NOL4L: variants seen among roughly 807,000 people sequenced by gnomAD.
NOL4L encodes the protein nucleolar protein 4 like.
NOL4L carries 7 observed loss-of-function variants against 64.5 expected under a neutral mutation model. That is an observed-to-expected ratio of 0.11 (90% confidence interval 0.06 to 0.20). The LOEUF is 0.20. Among genes scored for constraint, NOL4L ranks in the 10% least tolerant of loss-of-function variants. The probability of loss-of-function intolerance (pLI) is 1.00; values close to 1 mark genes in which losing one functional copy is unlikely to be tolerated. For missense variants in NOL4L, 680 were observed against 967.1 expected (o/e 0.70, Z 3.94); for synonymous variants, 413 against 401.0 (o/e 1.03, Z -0.36).
chr20:32,481,270 G>A (rs1322160572), intron 4 of NOL4L, among the ~76,000 whole-genome samples: 1 of 152,170 alleles, frequency 6.6e-6, no homozygotes, highest in Non-Finnish European at 1.5e-5. Flanking sequence ...CGAGGGCCTC[G>A]CTGGTACCCT....
chr20:32,498,083 C>A (rs528745584), intron 4 of NOL4L, among the ~76,000 whole-genome samples: 130 of 152,340 alleles, frequency 8.5e-4, no homozygotes, highest in African/African-American at 3.1e-3. Flanking sequence ...CCGGAAGGGG[C>A]TCGAGCCTCA....
At chr20:32,558,451 G>T (rs1001797508) in intron 1 of NOL4L, among the ~76,000 whole-genome samples, 1 of 152,154 alleles carries the variant, frequency 6.6e-6, no homozygotes, top group Non-Finnish European at 1.5e-5. Flanking sequence ...AAAGTCCAAG[G>T]GGCCCCAGCA....
intron 1 of NOL4L, among the ~76,000 whole-genome samples, chr20:32,557,824 G>A (rs1236234653): frequency 6.6e-6 from 1 of 152,220 alleles, no homozygotes; most frequent in Non-Finnish European, 1.5e-5. Context: ...CAGCACTTTG[G>A]GAAGCTGAGG....
chr20:32,461,181 A>G (rs1377791086), intron 5 of NOL4L, among the ~76,000 whole-genome samples: 4 of 152,162 alleles, frequency 2.6e-5, no homozygotes, highest in Non-Finnish European at 4.4e-5. Context: ...GTTTACTCCA[A>G]CTGGAAGCCA....
chr20:32,548,713 C>A, intron 1 of NOL4L: 1 of 354,742 alleles, frequency 2.8e-6, no homozygotes, highest in Non-Finnish European at 5.7e-6. Flanking sequence ...TGCCCTCAGA[C>A]GCAGCAATTC....
At chr20:32,583,591 A>C (rs1352895494) in intron 1 of NOL4L, among the ~76,000 whole-genome samples, 1 of 148,420 alleles carries the variant, frequency 6.7e-6, no homozygotes, top group East Asian at 2.1e-4. Flanking sequence ...GAACGCACTA[A>C]TGGAGGGTCT....
intron 5 of NOL4L, among the ~76,000 whole-genome samples, chr20:32,461,203 T>C (rs891698508): frequency 6.6e-6 from 1 of 152,168 alleles, no homozygotes; most frequent in Non-Finnish European, 1.5e-5. Flanking sequence ...GTCCCTCCTT[T>C]GGGCCCACCA....
intron 2 of NOL4L, 27 bp downstream of exon 2, chr20:32,527,731 G>C (rs2018187132): frequency 6.5e-6 from 10 of 1,534,614 alleles, no homozygotes; most frequent in Non-Finnish European, 8.8e-6. Flanking sequence ...GGGGCTGCCA[G>C]TGGAGGCAAA....
At chr20:32,494,988 T>C in intron 4 of NOL4L, among the ~76,000 whole-genome samples, 1 of 150,408 alleles carries the variant, frequency 6.6e-6, no homozygotes, top group East Asian at 1.9e-4. Context: ...GATCCCCCAC[T>C]CCCATGTGGC....
At chr20:32,527,185 T>C (rs2018163829) in intron 2 of NOL4L, among the ~76,000 whole-genome samples, 1 of 152,186 alleles carries the variant, frequency 6.6e-6, no homozygotes. Flanking sequence ...TGGAGACATT[T>C]CTGCTTCTCA....
Position 32,506,008 on chromosome 20 carries a change from A to G in NOL4L, c.699+5339T>C, listed in dbSNP as rs551369013. Among the ~76,000 whole-genome samples the G allele has an allele frequency of 5.6e-4, 86 of 152,326 alleles. 1 individual carries two copies. Among genetic ancestry groups the G allele is most frequent in the African/African-American group, 1.9e-3 (81 of 41,550 alleles). ...TTGTGAATATACTCAATGCCACTCA[A>G]TTATATACTTAAACGTGGTTAAAAT... On this transcript the variant is annotated intron_variant, in intron 4 of 10. Coordinates refer to ENST00000621426, the MANE Select transcript of NOL4L (RefSeq NM_001256798.2).
chr20:32,455,559 C>G (rs1436673009), intron 6 of NOL4L, among the ~76,000 whole-genome samples: 1 of 152,164 alleles, frequency 6.6e-6, no homozygotes, highest in African/African-American at 2.4e-5. Flanking sequence ...GGCCCGGAGG[C>G]AGCTTGTGGA....
chr20:32,443,346 T>C lies in NOL4L; in HGVS notation c.*4250A>G, dbSNP rs1179152558. 6.6e-6 allele frequency: 1 copy of C among 152,220 alleles called. No homozygotes were observed. The highest frequency in any genetic ancestry group is 1.5e-5 in the Non-Finnish European group (1 of 68,040). 9.4% of individuals were successfully genotyped at this position (152,220 alleles called of 1,614,324 possible). A position where few individuals can be genotyped will look rare whatever the true frequency, so the allele number is the denominator to read the frequency against. On this transcript the variant is annotated 3_prime_UTR_variant, in exon 11 of 11. Coordinates refer to ENST00000621426, the MANE Select transcript of NOL4L (RefSeq NM_001256798.2). ...CCACATTTACTGGTAAAACTCACTA[T>C]ATAGAACACAAATAATTTTTATAGA...
chr20:32,512,941 C>T (rs1392994818), intron 3 of NOL4L, among the ~76,000 whole-genome samples: 1 of 152,124 alleles, frequency 6.6e-6, no homozygotes, highest in East Asian at 1.9e-4. Context: ...GAACAGATTA[C>T]AAGAAATTAA....
intron 3 of NOL4L, among the ~76,000 whole-genome samples, chr20:32,512,404 C>A (rs563969004): frequency 6.6e-6 from 1 of 152,302 alleles, no homozygotes; most frequent in African/African-American, 2.4e-5. Context: ...CCTTATGCCT[C>A]CCAGGTCTGA....
In NOL4L at chr20:32,460,981, GC is replaced by G. The variant is rs904558282; in HGVS notation, c.842-4587del. On this transcript the variant is annotated intron_variant, in intron 5 of 10. Coordinates refer to ENST00000621426, the MANE Select transcript of NOL4L (RefSeq NM_001256798.2). The surrounding 1 kb of genome is among the most constrained non-coding windows in gnomAD (Gnocchi z 5.7). ...CACCTCAGGGAAGCCCTCCCTACCT[GC>G]CCCGATCTCCATCGTGGCACCGGCT... Among the ~76,000 whole-genome samples, 3 of 152,176 alleles carry G rather than the reference GC, an allele frequency of 2.0e-5. No homozygotes were observed. Among genetic ancestry groups the G allele is most frequent in the African/African-American group, 7.2e-5 (3 of 41,444 alleles).
At chr20:32,558,108 A>G (rs1423681077) in intron 1 of NOL4L, among the ~76,000 whole-genome samples, 2 of 152,226 alleles carry the variant, frequency 1.3e-5, no homozygotes, top group African/African-American at 2.4e-5. Context: ...GAAATTAAAA[A>G]TAATAAAATC....
In NOL4L at chr20:32,447,355, C is replaced by T. The variant is rs2012384097; in HGVS notation, c.*241G>A. The T allele has an allele frequency of 1.7e-6, 1 of 599,026 alleles. No homozygotes were observed. Among genetic ancestry groups the T allele is most frequent in the African/African-American group, 2.0e-5 (1 of 49,166 alleles). The allele number at this position is 599,026 out of a possible 1,614,324, so 37.1% of individuals were successfully genotyped here. A position where few individuals can be genotyped will look rare whatever the true frequency, so the allele number is the denominator to read the frequency against. Reference sequence around the variant, plus strand: ...GAGCCCCCAACCCTTCCAGAGCTGCCCCGTTGGCCTCTTCCAAGCAGGTCA... The same window carrying T: ...GAGCCCCCAACCCTTCCAGAGCTGCTCCGTTGGCCTCTTCCAAGCAGGTCA... On this transcript the variant is annotated 3_prime_UTR_variant, in exon 11 of 11. Coordinates refer to ENST00000621426, the MANE Select transcript of NOL4L (RefSeq NM_001256798.2).
chr20:32,573,502 G>T (rs541694509), intron 1 of NOL4L: 11 of 152,796 alleles, frequency 7.2e-5, no homozygotes, highest in Non-Finnish European at 1.6e-4. Context: ...TTCCATCTCA[G>T]TCACAATCCC....
Sources: gnomAD v4.1 joint callset for allele counts (sites outside exome capture counted in the v4.1 genomes callset) on GRCh38, gnomAD v4.1.1 for gene constraint, Gnocchi (gnomAD v3.1) non-coding constraint, MANE v1.5 for transcripts, NCBI Gene and HGNC (gene_info 2026-07-23, HGNC 2026-07-21) for gene names.